RANBP2: variants seen among roughly 807,000 people sequenced by gnomAD.
RANBP2 encodes E3 SUMO-protein ligase RanBP2.
A neutral mutation model predicts 303.6 loss-of-function variants in RANBP2; 57 were observed. The ratio of observed to expected loss-of-function variants is 0.19; its 90% confidence interval spans 0.15 to 0.23. The LOEUF is 0.23. Ranked by LOEUF, RANBP2 falls within the 10% of genes least tolerant of loss-of-function variation. RANBP2 has a pLI of 1.00. For missense variants in RANBP2, 3,138 were observed against 3,780.8 expected (o/e 0.83, Z 4.46); for synonymous variants, 1,167 against 1,301.5 (o/e 0.90, Z 2.23).
chr2:108,782,900 G>A (rs780523842), intron 28 of RANBP2, 38 bp downstream of exon 28: 1 of 1,530,436 alleles, frequency 6.5e-7, no homozygotes, highest in Non-Finnish European at 9.0e-7. Context: ...TTGAGGTCTT[G>A]AAGAGTGCAC....
At chr2:109,723,711 A>G in the RANBP2 span, among the ~76,000 whole-genome samples, 5 of 152,144 alleles carry the variant, frequency 3.3e-5, no homozygotes, top group South Asian at 2.1e-4. Context: ...CCCATTCTGT[A>G]TAGGTTGTCT....
At chr2:109,385,909 A>G in the RANBP2 span, among the ~76,000 whole-genome samples, 1 of 142,788 alleles carries the variant, frequency 7.0e-6, no homozygotes, top group Non-Finnish European at 1.6e-5. Flanking sequence ...GCTCTTCTTC[A>G]TATTTCTTAT....
the RANBP2 span, among the ~76,000 whole-genome samples, chr2:109,420,981 A>C: frequency 6.6e-6 from 1 of 152,206 alleles, no homozygotes; most frequent in East Asian, 1.9e-4. Context: ...TGAGCAGGCT[A>C]CTTCCAGATG....
the RANBP2 span, among the ~76,000 whole-genome samples, chr2:109,402,855 C>A: frequency 6.6e-6 from 1 of 152,170 alleles, no homozygotes; most frequent in African/African-American, 2.4e-5. Flanking sequence ...GTTATTGAAT[C>A]CTCATTGAAC....
the RANBP2 span, among the ~76,000 whole-genome samples, chr2:108,790,908 C>G: frequency 6.6e-6 from 1 of 151,800 alleles, no homozygotes; most frequent in Non-Finnish European, 1.5e-5. Context: ...TGCACCACTA[C>G]TCCCAGCTAA....
At chr2:109,237,911 A>T in the RANBP2 span, among the ~76,000 whole-genome samples, 1 of 152,246 alleles carries the variant, frequency 6.6e-6, no homozygotes, top group Non-Finnish European at 1.5e-5. Context: ...ATGGTATATA[A>T]ATTAACTTAG....
At chr2:109,513,060 G>A in the RANBP2 span, among the ~76,000 whole-genome samples, 4 of 152,178 alleles carry the variant, frequency 2.6e-5, no homozygotes, top group South Asian at 2.1e-4. Flanking sequence ...AGGAGCCAGC[G>A]GACGGATGTG....
At chr2:109,681,277 C>G in the RANBP2 span, among the ~76,000 whole-genome samples, 3 of 152,106 alleles carry the variant, frequency 2.0e-5, no homozygotes, top group African/African-American at 7.2e-5. Flanking sequence ...AAGGGGCGCT[C>G]GAGACTGGAA....
At chr2:109,442,585 G>T in the RANBP2 span, among the ~76,000 whole-genome samples, 1 of 152,158 alleles carries the variant, frequency 6.6e-6, no homozygotes, top group Admixed American at 6.5e-5. Context: ...CACAAAGTTT[G>T]GGAAGGGAGA....
chr2:109,419,528 T>C, the RANBP2 span: 1 of 1,584,536 alleles, frequency 6.3e-7, no homozygotes, highest in Non-Finnish European at 8.6e-7. Flanking sequence ...TCCCCTCTTG[T>C]CTGTTTCCAG....
the RANBP2 span, chr2:109,605,501 G>A: frequency 1.3e-5 from 2 of 151,964 alleles, no homozygotes; most frequent in African/African-American, 2.4e-5. Context: ...TAAATAAATT[G>A]TACTTGAATA....
chr2:109,413,121 T>A, the RANBP2 span, among the ~76,000 whole-genome samples: 1 of 152,308 alleles, frequency 6.6e-6, no homozygotes, highest in Non-Finnish European at 1.5e-5. Flanking sequence ...TTATTTTATA[T>A]ATATATTTTT....
chr2:108,831,228 G>C, the RANBP2 span, among the ~76,000 whole-genome samples: 2 of 152,044 alleles, frequency 1.3e-5, no homozygotes, highest in African/African-American at 2.4e-5. Context: ...CTGTAAGAAA[G>C]CAAAAGGCAA....
At chr2:109,129,538 C>G in the RANBP2 span, 3 of 1,497,314 alleles carry the variant, frequency 2.0e-6, no homozygotes, top group Non-Finnish European at 2.7e-6. Flanking sequence ...GGGCGCCTCC[C>G]CCATGCTGCT....
chr2:108,724,265 C>T (rs1037372208), intron 1 of RANBP2, among the ~76,000 whole-genome samples: 9 of 152,088 alleles, frequency 5.9e-5, no homozygotes, highest in African/African-American at 1.9e-4. Flanking sequence ...CGGGTTCAAG[C>T]GATTCTCCTG....
At chr2:109,704,648 G>A in the RANBP2 span, among the ~76,000 whole-genome samples, 1 of 151,946 alleles carries the variant, frequency 6.6e-6, no homozygotes, top group Non-Finnish European at 1.5e-5. Context: ...TCAGGAGTTC[G>A]AGAACAGCCT....
chr2:109,396,651 T>C, the RANBP2 span, among the ~76,000 whole-genome samples: 2 of 152,240 alleles, frequency 1.3e-5, no homozygotes, highest in Non-Finnish European at 1.5e-5. Flanking sequence ...CCTTCACTGA[T>C]TGACAGCATT....
the RANBP2 span, chr2:109,614,409 C>T: frequency 2.9e-6 from 3 of 1,052,140 alleles, no homozygotes; most frequent in East Asian, 3.6e-5. Flanking sequence ...ACTCCGCCGC[C>T]GTCGGGAGCC....
At chr2:109,575,329 T>C in the RANBP2 span, among the ~76,000 whole-genome samples, 1 of 152,242 alleles carries the variant, frequency 6.6e-6, no homozygotes, top group Non-Finnish European at 1.5e-5. Flanking sequence ...TCAAAGTCCA[T>C]GACTCTTTGC....
Sources: gnomAD v4.1 joint callset for allele counts (sites outside exome capture counted in the v4.1 genomes callset) on GRCh38, gnomAD v4.1.1 for gene constraint, MANE v1.5 for transcripts, NCBI Gene and HGNC (gene_info 2026-07-23, HGNC 2026-07-21) for gene names.